Variants in ACP1 observed in about 807,000 individuals in gnomAD.
The protein encoded by ACP1 is acid phosphatase 1.
Under a neutral mutation model 23.4 loss-of-function variants are expected in ACP1, and 23 were observed. That is an observed-to-expected ratio of 0.98 (90% CI 0.71 to 1.39). ACP1 has a LOEUF of 1.39. ACP1 is among the 40% of genes most tolerant of loss of function. The pLI is 0.00. For synonymous variants in ACP1, 72 were observed against 67.2 expected (o/e 1.07, Z -0.35); for missense variants, 180 against 197.7 (o/e 0.91, Z 0.54).
Position 271,883 on chromosome 2 carries a change from C to A in ACP1, c.61C>A (p.Pro21Thr). ...TTTTAAAGGTAACATTTGTCGATCA[C>A]CCATTGCAGAAGCAGTTTTCAGGAA... ...FVCLGNICRS[P>T]IAEAVFRKLV... The change falls in exon 2 of 6, where the codon CCC (proline) becomes ACC (threonine). Residue 21 changes from proline (P) to threonine (T), a missense_variant. By Grantham distance (38) the Pro-to-Thr change is conservative. Around this residue, in one of 3 missense-constraint regions of ACP1, gnomAD observed 132 missense variants for 124.1 expected, o/e 1.06. Transcript: ENST00000272065. The A allele has an allele frequency of 6.2e-7, 1 of 1,612,578 alleles. No homozygotes were observed. Among genetic ancestry groups the A allele is most frequent in the Admixed American group, 1.7e-5 (1 of 59,990 alleles).
chr2:273,566 G>A (rs1403682822), intron 3 of ACP1, among the ~76,000 whole-genome samples: 3 of 152,190 alleles, frequency 2.0e-5, no homozygotes, highest in Admixed American at 6.5e-5. Flanking sequence ...CACAGCCAGA[G>A]CGGCCTGGTG....
chr2:275,274 ATTTAC>A (rs1447061731), intron 4 of ACP1, 73 bp downstream of exon 4: 1 of 837,712 alleles, frequency 1.2e-6, no homozygotes, highest in Admixed American at 2.3e-5. Flanking sequence ...TGTTGTCCAG[ATTTAC>A]TTTTTCTATT....
At chr2:268,509 A>G (rs1330714376) in intron 1 of ACP1, among the ~76,000 whole-genome samples, 2 of 152,172 alleles carry the variant, frequency 1.3e-5, no homozygotes, top group Non-Finnish European at 2.9e-5. Context: ...CCCAGCCAGC[A>G]TGGTTGGTGG....
Position 275,148 on chromosome 2 carries a change from A to G in ACP1, c.240A>G (p.Lys80=), listed in dbSNP as rs1286595405. 3 of 1,520,694 alleles carry G rather than the reference A, an allele frequency of 2.0e-6. No individual in the cohort carries two copies. In the South Asian group the frequency reaches 3.7e-5, roughly 19 times the overall value. 94.2% of individuals were successfully genotyped at this position (1,520,694 alleles called of 1,614,324 possible). A position where few individuals can be genotyped will look rare whatever the true frequency, so the allele number is the denominator to read the frequency against. Residue 80 remains lysine (K), a synonymous_variant, in exon 4 of 6, where the codon AAA becomes AAG. Transcript: ENST00000272065. ...PMSHVARQIT[K]EDFATFDYIL... is the part of the protein sequence containing the mutation. ...TTCTTATTCAATTTTAGATTACCAA[A>G]GAAGATTTTGCCACATTTGATTATA...
chr2:266,215 G>A (rs1238732976), intron 1 of ACP1: 1 of 152,114 alleles, frequency 6.6e-6, no homozygotes, highest in East Asian at 1.9e-4. Context: ...TTTGTTTTCA[G>A]CTTTAGGACA....
chr2:275,083 C>A, intron 3 of ACP1, 57 bp from the exon 4 acceptor site: 1 of 825,706 alleles, frequency 1.2e-6, no homozygotes. Flanking sequence ...TATTGCTTTG[C>A]ATCCTCTAGG....
chr2:268,522 A>G (rs934139815), intron 1 of ACP1, among the ~76,000 whole-genome samples: 3 of 152,224 alleles, frequency 2.0e-5, no homozygotes, highest in African/African-American at 2.4e-5. Flanking sequence ...GTTGGTGGAG[A>G]TAGCACATGC....
At chr2:266,376 CAG>C (rs945632123) in intron 1 of ACP1, 1 of 152,190 alleles carries the variant, frequency 6.6e-6, no homozygotes, top group Non-Finnish European at 1.5e-5. Context: ...GTTTATTAAA[CAG>C]TAGTTTGGTT....
At chr2:266,657 A>T (rs778596558) in intron 1 of ACP1, among the ~76,000 whole-genome samples, 1 of 152,218 alleles carries the variant, frequency 6.6e-6, no homozygotes, top group Non-Finnish European at 1.5e-5. Flanking sequence ...CACCTTAACT[A>T]AGCATTTAAA....
At chr2:276,925 C>A in intron 4 of ACP1, 55 bp from the exon 5 acceptor site, 1 of 1,086,102 alleles carries the variant, frequency 9.2e-7, no homozygotes, top group South Asian at 1.4e-5. Flanking sequence ...GCAGATGTCC[C>A]TGTTTAACTT....
intron 3 of ACP1, 112 bp downstream of exon 3, chr2:272,262 G>A: frequency 6.2e-7 from 1 of 1,614,140 alleles, no homozygotes; most frequent in Non-Finnish European, 8.5e-7. Context: ...GCTGTGAGCT[G>A]CCTAAGAAAT....
chr2:273,950 TAGG>T (rs1416257400), intron 3 of ACP1, among the ~76,000 whole-genome samples: 1 of 152,160 alleles, frequency 6.6e-6, no homozygotes, highest in African/African-American at 2.4e-5. Flanking sequence ...TGCTTGAGCC[TAGG>T]AGGTCAAGAC....
intron 4 of ACP1, chr2:275,412 G>GTAACAACTA (rs1670144477): frequency 8.8e-6 from 3 of 341,618 alleles, no homozygotes; most frequent in Non-Finnish European, 1.6e-5. Context: ...CTTAGAAAAG[G>GTAACAACTA]GAAAGTCTAG....
At chr2:270,090 T>C (rs562244570) in intron 1 of ACP1, among the ~76,000 whole-genome samples, 16 of 152,294 alleles carry the variant, frequency 1.1e-4, no homozygotes, top group African/African-American at 3.8e-4. Context: ...GTCTCTCCAA[T>C]TCAGTCATGT....
chr2:269,297 G>A, intron 1 of ACP1: 1 of 470,826 alleles, frequency 2.1e-6, no homozygotes, highest in Middle Eastern at 3.3e-4. Context: ...TTTATGGTTT[G>A]TAGGTAAGAT....
Position 277,914 on chromosome 2 carries a change from C to T in ACP1, c.*610C>T, listed in dbSNP as rs759616896. 2 of 152,620 alleles carry T rather than the reference C, an allele frequency of 1.3e-5. No individual in the cohort carries two copies. Among genetic ancestry groups the T allele is most frequent in the East Asian group, 3.8e-4 (2 of 5,198 alleles). 9.5% of individuals were successfully genotyped at this position (152,620 alleles called of 1,614,324 possible). ...ACCTTCAATACTTCATGATTTTTGT[C>T]GAGTTTACTTCATGAGGAGGTCAGC... On this transcript the variant is annotated 3_prime_UTR_variant, in exon 6 of 6. Transcript: ENST00000272065.
chr2:266,817 G>A (rs1198577658), intron 1 of ACP1, among the ~76,000 whole-genome samples: 1 of 151,866 alleles, frequency 6.6e-6, no homozygotes, highest in Non-Finnish European at 1.5e-5. Flanking sequence ...TCCATAAGAA[G>A]TCAAAAACTT....
intron 1 of ACP1, among the ~76,000 whole-genome samples, chr2:270,210 A>G (rs1669991559): frequency 6.6e-6 from 1 of 152,238 alleles, no homozygotes; most frequent in African/African-American, 2.4e-5. Context: ...CTTGGCACAT[A>G]GAGTTGGCAT....
chr2:277,069 T>C lies in ACP1; in HGVS notation c.383T>C (p.Ile128Thr). Residue 128 changes from isoleucine to threonine, a missense_variant, in exon 5 of 6, where the codon ATT becomes ACT. Ile to Thr is a moderately conservative substitution (Grantham distance 89). Transcript: ENST00000272065. ...GSYDPQKQLI[I>T]EDPYYGNDSD... ...TATGATCCACAAAAACAACTTATTA[T>C]TGAAGATCCCTATTATGTAAGTACA... is the stretch of plus-strand genomic sequence containing the variant. The C allele has an allele frequency of 5.0e-6, 8 of 1,612,682 alleles. No individual in the cohort carries two copies. Among genetic ancestry groups the C allele is most frequent in the Non-Finnish European group, 6.8e-6 (8 of 1,178,816 alleles).
Sources: allele counts gnomAD v4.1 joint callset (sites outside exome capture counted in the v4.1 genomes callset), GRCh38; gene constraint gnomAD v4.1.1; regional missense constraint gnomAD v4.1.1; transcripts MANE v1.5; gene names NCBI Gene and HGNC (gene_info 2026-07-23, HGNC 2026-07-21).